The following BCL2 variants were observed in gnomAD, a reference collection of about 807,000 sequenced individuals.
The protein encoded by BCL2 is apoptosis regulator Bcl-2.
Under a neutral mutation model 14.2 loss-of-function variants are expected in BCL2, and 1 was observed. That is an observed-to-expected ratio of 0.07 (90% CI 0.02 to 0.33). The LOEUF is 0.33. BCL2 is among the 10% of genes least tolerant of loss of function. The pLI, the probability that BCL2 is intolerant of heterozygous loss-of-function variation, is 0.99. For missense variants in BCL2, 247 were observed against 305.9 expected, an observed-to-expected ratio of 0.81 and a Z score of 1.44; for synonymous variants, 151 against 137.2, an observed-to-expected ratio of 1.10 and a Z score of -0.70.
intron 2 of BCL2, among the ~76,000 whole-genome samples, chr18:63,246,612 G>C (rs1030453028): frequency 6.6e-6 from 1 of 152,120 alleles, no homozygotes; most frequent in East Asian, 1.9e-4. Flanking sequence ...CATGACATGT[G>C]GGAATTGTGG....
intron 2 of BCL2, among the ~76,000 whole-genome samples, chr18:63,256,423 G>A (rs570174424): frequency 2.0e-5 from 3 of 152,212 alleles, no homozygotes; most frequent in Admixed American, 2.0e-4. Context: ...CACCATGTTG[G>A]CCAGGCTGGT....
At chr18:63,152,855 A>G (rs1172386786) in intron 2 of BCL2, among the ~76,000 whole-genome samples, 1 of 152,226 alleles carries the variant, frequency 6.6e-6, no homozygotes, top group African/African-American at 2.4e-5. Flanking sequence ...CACCTATTTG[A>G]TAATGGGTCC....
At chr18:63,304,568 T>C (rs928836976) in intron 2 of BCL2, among the ~76,000 whole-genome samples, 4 of 152,336 alleles carry the variant, frequency 2.6e-5, no homozygotes, top group African/African-American at 9.6e-5. Flanking sequence ...GTTTGTTCTT[T>C]TAATTTTTTT....
At chr18:63,138,064 C>T (rs972333536) in intron 2 of BCL2, among the ~76,000 whole-genome samples, 4 of 152,112 alleles carry the variant, frequency 2.6e-5, no homozygotes, top group African/African-American at 4.8e-5. Flanking sequence ...TGAGAGAGAA[C>T]GCCAGGAGAA....
At chr18:63,154,689 C>T (rs2144611739) in intron 2 of BCL2, among the ~76,000 whole-genome samples, 1 of 152,324 alleles carries the variant, frequency 6.6e-6, no homozygotes, top group East Asian at 1.9e-4. Flanking sequence ...CCCCCACCTC[C>T]CCATCATGCC....
intron 2 of BCL2, among the ~76,000 whole-genome samples, chr18:63,251,218 G>A (rs1457673481): frequency 6.6e-6 from 1 of 152,098 alleles, no homozygotes; most frequent in Non-Finnish European, 1.5e-5. Context: ...CGTTGATGAG[G>A]GGAGGCTCTG....
At chr18:63,317,273 T>C (rs1480762085) in intron 2 of BCL2, 1 of 154,504 alleles carries the variant, frequency 6.5e-6, no homozygotes, top group African/African-American at 2.4e-5. Flanking sequence ...TTAGGTCCAC[T>C]CTGAGTGGTG....
Position 63,124,307 on chromosome 18 carries a change from TGTTA to T in BCL2, c.*4314_*4317del, listed in dbSNP as rs1913853136. ...ACCAGAAGGTTGTCATTAAATATCC[TGTTA>T]GTTAAAACTGCACATTTATTGTTTA... On this transcript the variant is annotated 3_prime_UTR_variant, in exon 3 of 3. Coordinates refer to ENST00000333681, the MANE Select transcript of BCL2 (RefSeq NM_000633.3). 1 of 228,772 alleles carries T rather than the reference TGTTA, an allele frequency of 4.4e-6. No individual in the cohort carries two copies. The highest frequency in any genetic ancestry group is 8.7e-6 in the Non-Finnish European group (1 of 115,196). 14.2% of individuals were successfully genotyped at this position (228,772 alleles called of 1,614,324 possible). A position where few individuals can be genotyped will look rare whatever the true frequency, so the allele number is the denominator to read the frequency against.
chr18:63,284,288 G>T (rs1001967436), intron 2 of BCL2, among the ~76,000 whole-genome samples: 1 of 152,142 alleles, frequency 6.6e-6, no homozygotes, highest in African/African-American at 2.4e-5. Flanking sequence ...GACTGGGAGC[G>T]CATCATCAAC....
At chr18:63,205,666 C>A (rs1470115084) in intron 2 of BCL2, among the ~76,000 whole-genome samples, 5 of 152,056 alleles carry the variant, frequency 3.3e-5, no homozygotes, top group African/African-American at 1.2e-4. Context: ...TTTAAAAAAA[C>A]AACAACATTT....
chr18:63,289,075 G>T (rs556722666), intron 2 of BCL2, among the ~76,000 whole-genome samples: 1 of 152,322 alleles, frequency 6.6e-6, no homozygotes, highest in African/African-American at 2.4e-5. Context: ...TTCAGCAAAT[G>T]TTACTGAGCT....
chr18:63,260,169 C>G (rs1018752996), intron 2 of BCL2, among the ~76,000 whole-genome samples: 1 of 152,086 alleles, frequency 6.6e-6, no homozygotes, highest in African/African-American at 2.4e-5. Flanking sequence ...TGATATCCAT[C>G]AGAAAAGCCT....
intron 2 of BCL2, among the ~76,000 whole-genome samples, chr18:63,222,858 AC>A (rs1910438535): frequency 6.6e-6 from 1 of 152,264 alleles, no homozygotes; most frequent in African/African-American, 2.4e-5. Context: ...TGACCCTTTT[AC>A]AACCAATTCC....
intron 2 of BCL2, 175 bp downstream of exon 2, chr18:63,317,907 G>T: frequency 1.4e-6 from 2 of 1,445,020 alleles, no homozygotes. Flanking sequence ...TATCGGTCAG[G>T]TTGGGAGTGA....
chr18:63,208,180 C>T (rs1192614504), intron 2 of BCL2: 1 of 152,156 alleles, frequency 6.6e-6, no homozygotes, highest in Non-Finnish European at 1.5e-5. Flanking sequence ...TTCTGTGCTT[C>T]CCATATGATT....
intron 2 of BCL2, among the ~76,000 whole-genome samples, chr18:63,306,032 G>C (rs532812332): frequency 7.9e-5 from 12 of 152,164 alleles, no homozygotes; most frequent in Non-Finnish European, 1.6e-4. Flanking sequence ...CCGATATGGT[G>C]CCACTGCACT....
At chr18:63,296,983 C>T (rs1046201558) in intron 2 of BCL2, among the ~76,000 whole-genome samples, 23 of 152,130 alleles carry the variant, frequency 1.5e-4, no homozygotes, top group South Asian at 2.1e-4. Flanking sequence ...GAGGCCGAGG[C>T]GGGCGGACCA....
intron 2 of BCL2, among the ~76,000 whole-genome samples, chr18:63,268,596 T>C (rs1774387945): frequency 6.6e-6 from 1 of 152,222 alleles, no homozygotes; most frequent in Admixed American, 6.5e-5. Context: ...AGTCTAGTTC[T>C]GAGCAAGGGT....
At chr18:63,210,296 G>A (rs1333210565) in intron 2 of BCL2, among the ~76,000 whole-genome samples, 1 of 152,194 alleles carries the variant, frequency 6.6e-6, no homozygotes, top group Non-Finnish European at 1.5e-5. Context: ...AGGCCTTGGG[G>A]GTGGAAGATC....
Sources: allele counts gnomAD v4.1 joint callset (sites outside exome capture counted in the v4.1 genomes callset), GRCh38; gene constraint gnomAD v4.1.1; transcripts MANE v1.5; gene names NCBI Gene and HGNC (gene_info 2026-07-23, HGNC 2026-07-21).